Variants in SOX6 observed in about 807,000 individuals in gnomAD.
SOX6 encodes transcription factor SOX-6.
SOX6 carries 11 observed loss-of-function variants against 97.8 expected under a neutral mutation model. That is an observed-to-expected ratio of 0.11 (90% CI 0.07 to 0.19). The LOEUF (loss-of-function observed/expected upper bound fraction) is 0.19. Among genes scored for constraint, SOX6 ranks in the 10% least tolerant of loss-of-function variants. SOX6 has a pLI of 1.00. For missense variants in SOX6, 810 were observed against 1,039.5 expected, an observed-to-expected ratio of 0.78 and a Z score of 3.04; for synonymous variants, 360 against 371.4, an observed-to-expected ratio of 0.97 and a Z score of 0.35.
chr11:16,711,640 T>A (rs1183499125), intron 3 of SOX6, among the ~76,000 whole-genome samples: 2 of 152,214 alleles, frequency 1.3e-5, no homozygotes, highest in East Asian at 3.8e-4. Context: ...AACCTCAACT[T>A]ATGCCAGTCT....
At chr11:16,191,505 G>GA (rs927372487) in intron 4 of SOX6, among the ~76,000 whole-genome samples, 1 of 152,024 alleles carries the variant, frequency 6.6e-6, no homozygotes, top group Non-Finnish European at 1.5e-5. Flanking sequence ...TTGGAGGTTT[G>GA]AAAAAATCAA....
At chr11:16,325,925 G>A (rs1383241115) in intron 2 of SOX6, among the ~76,000 whole-genome samples, 1 of 152,100 alleles carries the variant, frequency 6.6e-6, no homozygotes, top group African/African-American at 2.4e-5. Flanking sequence ...ACAGTTTGTT[G>A]ATCCTGTCAA....
At chr11:16,498,121 G>A (rs1284835520) in intron 4 of SOX6, among the ~76,000 whole-genome samples, 2 of 152,182 alleles carry the variant, frequency 1.3e-5, no homozygotes, top group Non-Finnish European at 2.9e-5. Context: ...CTGATCTCTT[G>A]GCAGAAACTC....
chr11:16,184,136 C>T lies in SOX6; in HGVS notation c.709-182G>A, dbSNP rs1166205488. On this transcript the variant is annotated intron_variant, in intron 5 of 15. Transcript: ENST00000683767. Reference sequence around the variant, plus strand: ...AGGAAAAATTTTTAAACAAGTGCCACCTCTCTGCTTTATCTGTAGGAAAAC... The same window carrying T: ...AGGAAAAATTTTTAAACAAGTGCCATCTCTCTGCTTTATCTGTAGGAAAAC... Among the ~76,000 whole-genome samples the T allele has an allele frequency of 5.3e-5, 8 of 152,166 alleles. No individual in the cohort carries two copies. In the South Asian group the frequency reaches 1.7e-3, roughly 32 times the overall value.
intron 3 of SOX6, among the ~76,000 whole-genome samples, chr11:16,705,878 A>G (rs1159379398): frequency 1.3e-5 from 2 of 150,358 alleles, no homozygotes; most frequent in African/African-American, 5.0e-5. Context: ...AAAACAGTAC[A>G]ATAGAACATA....
At chr11:16,471,722 A>C (rs768070671) in intron 1 of SOX6, among the ~76,000 whole-genome samples, 1 of 152,286 alleles carries the variant, frequency 6.6e-6, no homozygotes, top group Non-Finnish European at 1.5e-5. Flanking sequence ...ATGCCATGTT[A>C]ATTTCATCTG....
At chr11:16,018,200 C>T (rs1854944375) in intron 12 of SOX6, among the ~76,000 whole-genome samples, 1 of 152,102 alleles carries the variant, frequency 6.6e-6, no homozygotes, top group Non-Finnish European at 1.5e-5. Flanking sequence ...TAGCATCCAT[C>T]ATCTTCACGT....
chr11:16,166,245 AT>A (rs1850884993), intron 6 of SOX6, among the ~76,000 whole-genome samples: 1 of 152,220 alleles, frequency 6.6e-6, no homozygotes. Context: ...CAGCTGATTA[AT>A]CAGCAAACAT....
At chr11:16,058,819 A>C (rs901022035) in intron 9 of SOX6, among the ~76,000 whole-genome samples, 10 of 152,070 alleles carry the variant, frequency 6.6e-5, no homozygotes, top group Non-Finnish European at 1.0e-4. Flanking sequence ...TTTCAAGAGA[A>C]TAAATCTCCA....
chr11:16,136,017 T>C (rs761982698), intron 6 of SOX6, among the ~76,000 whole-genome samples: 1 of 152,078 alleles, frequency 6.6e-6, no homozygotes, highest in Non-Finnish European at 1.5e-5. Context: ...AAGGCTCAAA[T>C]GATCATTAGC....
intron 1 of SOX6, among the ~76,000 whole-genome samples, chr11:16,436,439 C>T (rs1210696928): frequency 6.6e-6 from 1 of 152,074 alleles, no homozygotes; most frequent in East Asian, 1.9e-4. Flanking sequence ...CTGTCTACAG[C>T]CATATATCAT....
chr11:16,062,672 T>A (rs1441071682), intron 9 of SOX6, among the ~76,000 whole-genome samples: 2 of 151,774 alleles, frequency 1.3e-5, no homozygotes, highest in East Asian at 3.8e-4. Context: ...GCAGTGTATA[T>A]GTGTAAAAAT....
At chr11:16,007,291 AATG>A (rs956370169) in intron 13 of SOX6, among the ~76,000 whole-genome samples, 19 of 152,246 alleles carry the variant, frequency 1.2e-4, no homozygotes, top group Admixed American at 3.9e-4. Flanking sequence ...ATGGCAACAC[AATG>A]ATAAGTATTT....
chr11:16,264,704 C>G (rs1854016806), intron 3 of SOX6: 1 of 151,702 alleles, frequency 6.6e-6, no homozygotes, highest in African/African-American at 2.4e-5. Context: ...ATACCTGTTT[C>G]TTCACAACCT....
intron 4 of SOX6, among the ~76,000 whole-genome samples, chr11:16,557,823 A>C (rs1236098324): frequency 6.6e-6 from 1 of 151,798 alleles, no homozygotes; most frequent in Non-Finnish European, 1.5e-5. Context: ...TTCCTTTTTC[A>C]GATCAAAGTA....
upstream of SOX6, among the ~76,000 whole-genome samples, chr11:16,480,097 C>T (rs1010373405): frequency 2.0e-5 from 3 of 151,662 alleles, no homozygotes; most frequent in African/African-American, 7.3e-5. Flanking sequence ...TAATAAAAGC[C>T]CATCAATTTA....
At chr11:16,631,538 G>A (rs1055751063) in intron 3 of SOX6, among the ~76,000 whole-genome samples, 1 of 152,168 alleles carries the variant, frequency 6.6e-6, no homozygotes, top group Admixed American at 6.6e-5. Flanking sequence ...ACCTTGGACA[G>A]TCTGGTGACA....
intron 1 of SOX6, among the ~76,000 whole-genome samples, chr11:16,419,001 A>C (rs1224827530): frequency 1.3e-5 from 2 of 152,296 alleles, no homozygotes; most frequent in South Asian, 2.1e-4. Flanking sequence ...CCTCACAAAA[A>C]GAGTATTTAT....
At chr11:16,399,854 T>C (rs972927156) in intron 1 of SOX6, among the ~76,000 whole-genome samples, 4 of 151,440 alleles carry the variant, frequency 2.6e-5, no homozygotes, top group Non-Finnish European at 4.4e-5. Context: ...TGCCCTAAGA[T>C]TCAATCAAGT....
Sources: gnomAD v4.1 joint callset for allele counts (sites outside exome capture counted in the v4.1 genomes callset) on GRCh38, gnomAD v4.1.1 for gene constraint, MANE v1.5 for transcripts, NCBI Gene and HGNC (gene_info 2026-07-23, HGNC 2026-07-21) for gene names.